The following ATF7 variants were observed in gnomAD, a reference collection of about 807,000 sequenced individuals.
The protein encoded by ATF7 is cyclic AMP-dependent transcription factor ATF-7.
A neutral mutation model predicts 50.4 loss-of-function variants in ATF7; 10 were observed. That is an observed-to-expected ratio of 0.20 (90% CI 0.12 to 0.34). The LOEUF (loss-of-function observed/expected upper bound fraction) is 0.34, where lower values mean the gene tolerates loss of function less well. Among genes scored for constraint, ATF7 ranks in the 10% least tolerant of loss-of-function variants. ATF7 has a pLI of 1.00. For synonymous variants in ATF7, 201 were observed against 226.4 expected, an observed-to-expected ratio of 0.89 and a Z score of 1.01; for missense variants, 465 against 613.9, an observed-to-expected ratio of 0.76 and a Z score of 2.56.
chr12:53,594,385 T>G (rs1222748285), intron 2 of ATF7, among the ~76,000 whole-genome samples: 3 of 152,188 alleles, frequency 2.0e-5, no homozygotes, highest in Non-Finnish European at 4.4e-5. Flanking sequence ...ACCAATTAGA[T>G]TCATACAGCC....
In ATF7 at chr12:53,524,878, C is replaced by T; in HGVS notation, c.928-117G>A. The T allele has an allele frequency of 1.0e-6, 1 of 978,340 alleles. No individual in the cohort carries two copies. Among genetic ancestry groups the T allele is most frequent in the South Asian group, 1.8e-5 (1 of 56,794 alleles). The allele number at this position is 978,340 out of a possible 1,614,324, so 60.6% of individuals were successfully genotyped here. ...AAAAGGATATACCAGCCTCTGGTAACCACAGCAAGTCTCATTACTATGTCC... is the reference window on the plus strand; with the variant it reads ...AAAAGGATATACCAGCCTCTGGTAATCACAGCAAGTCTCATTACTATGTCC... On this transcript the variant is annotated intron_variant, in intron 9 of 11. Coordinates refer to ENST00000420353, the MANE Select transcript of ATF7 (RefSeq NM_006856.3). The surrounding 1 kb of genome is among the most constrained non-coding windows in gnomAD (Gnocchi z 4.6).
chr12:53,556,789 C>T (rs552741411), intron 2 of ATF7, among the ~76,000 whole-genome samples: 26 of 152,236 alleles, frequency 1.7e-4, no homozygotes, highest in South Asian at 1.2e-3. Flanking sequence ...TTGGTACGCC[C>T]TTACTCATGG....
chr12:53,536,102 C>T (rs1010870373), intron 5 of ATF7, among the ~76,000 whole-genome samples: 4 of 152,110 alleles, frequency 2.6e-5, no homozygotes, highest in Admixed American at 2.0e-4. Context: ...GTTCTATGTC[C>T]CTTTCCAATC....
At chr12:53,571,805 G>A (rs1250967859) in intron 2 of ATF7, among the ~76,000 whole-genome samples, 2 of 151,946 alleles carry the variant, frequency 1.3e-5, no homozygotes, top group East Asian at 1.9e-4. Context: ...GGTGGCTCAC[G>A]CCTGTAATCC....
At chr12:53,609,781 T>A (rs1378364347) in intron 1 of ATF7, among the ~76,000 whole-genome samples, 2 of 151,530 alleles carry the variant, frequency 1.3e-5, no homozygotes, top group African/African-American at 2.4e-5. Context: ...TGTACCACTA[T>A]AATCTTAAAC....
intron 4 of ATF7, among the ~76,000 whole-genome samples, chr12:53,540,352 CAA>C (rs575991616): frequency 3.7e-4 from 29 of 78,558 alleles, no homozygotes; most frequent in African/African-American, 7.4e-4. Flanking sequence ...GACTCCGTCT[CAA>C]AAAAAAAAAA....
intron 4 of ATF7, among the ~76,000 whole-genome samples, chr12:53,537,964 AG>A (rs1381820131): frequency 6.6e-6 from 1 of 151,854 alleles, no homozygotes; most frequent in African/African-American, 2.4e-5. Context: ...CACCTGCCTC[AG>A]CCTCCCAAAG....
Position 53,578,394 on chromosome 12 carries a change from G to GA in ATF7, c.48+22558dup, listed in dbSNP as rs577397878. Among the ~76,000 whole-genome samples, 20 of 147,074 alleles carry GA rather than the reference G, an allele frequency of 1.4e-4. No individual in the cohort carries two copies. In the South Asian group the frequency reaches 4.3e-3, roughly 32 times the overall value. On this transcript the variant is annotated intron_variant, in intron 2 of 11. Transcript: ENST00000420353. ...AAAAAAAAAAAAAAAAAAAGTGAAG[G>GA]AAAAATAAAGACTTTCTCAAGCAAA...
intron 2 of ATF7, among the ~76,000 whole-genome samples, chr12:53,555,032 A>G (rs566717810): frequency 1.2e-4 from 19 of 152,182 alleles, no homozygotes; most frequent in Admixed American, 4.6e-4. Context: ...TTTCCGTAAG[A>G]AAAAAGTGGC....
chr12:53,607,046 A>G (rs1410195454), intron 1 of ATF7, among the ~76,000 whole-genome samples: 1 of 152,204 alleles, frequency 6.6e-6, no homozygotes. Flanking sequence ...TCTTTATAGC[A>G]GCATGATTTA....
At chr12:53,573,316 A>G (rs1399076003) in intron 2 of ATF7, among the ~76,000 whole-genome samples, 4 of 152,162 alleles carry the variant, frequency 2.6e-5, no homozygotes, top group Non-Finnish European at 5.9e-5. Flanking sequence ...AAGACCCATG[A>G]GGATACCAAA....
At chr12:53,560,964 T>TA (rs1941064894) in intron 2 of ATF7, among the ~76,000 whole-genome samples, 2 of 149,188 alleles carry the variant, frequency 1.3e-5, no homozygotes, top group South Asian at 2.1e-4. Flanking sequence ...TTTTTTTTTT[T>TA]ACACAGGGTC....
chr12:53,581,412 T>C (rs937709031), intron 2 of ATF7, among the ~76,000 whole-genome samples: 1 of 152,190 alleles, frequency 6.6e-6, no homozygotes, highest in African/African-American at 2.4e-5. Flanking sequence ...TTAGCTCACA[T>C]GGAACATTTA....
At chr12:53,577,533 AGT>A (rs1336777404) in intron 2 of ATF7, among the ~76,000 whole-genome samples, 1 of 151,800 alleles carries the variant, frequency 6.6e-6, no homozygotes, top group African/African-American at 2.4e-5. Context: ...TGGCTAACAC[AGT>A]GAAACCCCGT....
intron 3 of ATF7, among the ~76,000 whole-genome samples, chr12:53,545,673 T>C (rs2137454564): frequency 6.6e-6 from 1 of 152,224 alleles, no homozygotes; most frequent in African/African-American, 2.4e-5. Flanking sequence ...ACTTTCTATA[T>C]GTTTTGGTGC....
At chr12:53,615,063 C>T (rs973880725) in intron 1 of ATF7, among the ~76,000 whole-genome samples, 4 of 146,408 alleles carry the variant, frequency 2.7e-5, no homozygotes, top group African/African-American at 1.0e-4. Context: ...CTGGGCAACA[C>T]GGCAAGACGC....
intron 3 of ATF7, among the ~76,000 whole-genome samples, chr12:53,546,135 T>C (rs1352534685): frequency 6.6e-6 from 1 of 152,084 alleles, no homozygotes; most frequent in African/African-American, 2.4e-5. Context: ...GAGGTTGCAG[T>C]GAGCTGAGAT....
In ATF7 at chr12:53,517,110, C is replaced by T; in HGVS notation, c.*27G>A. On this transcript the variant is annotated 3_prime_UTR_variant, in exon 12 of 12. Transcript: ENST00000420353. ...TGGCTCTTGGGCGGGCGAGCTCTGGCTGAGGACCTCTCCACCAGAGGAGGC... is the reference window on the plus strand; with the variant it reads ...TGGCTCTTGGGCGGGCGAGCTCTGGTTGAGGACCTCTCCACCAGAGGAGGC... 6.2e-7 allele frequency: 1 copy of T among 1,603,730 alleles called. No homozygotes were observed. Among genetic ancestry groups the T allele is most frequent in the Non-Finnish European group, 8.5e-7 (1 of 1,178,052 alleles).
At chr12:53,614,336 ACTC>A (rs1944022390) in intron 1 of ATF7, among the ~76,000 whole-genome samples, 1 of 152,124 alleles carries the variant, frequency 6.6e-6, no homozygotes, top group Non-Finnish European at 1.5e-5. Context: ...AAGTTGAAAA[ACTC>A]CTGGAAACCA....
Sources: gnomAD v4.1 joint callset for allele counts (sites outside exome capture counted in the v4.1 genomes callset) on GRCh38, gnomAD v4.1.1 for gene constraint, Gnocchi (gnomAD v3.1) non-coding constraint, MANE v1.5 for transcripts, NCBI Gene and HGNC (gene_info 2026-07-23, HGNC 2026-07-21) for gene names.